The following PTPRD variants were observed in gnomAD, a reference collection of about 807,000 sequenced individuals.
PTPRD encodes the protein receptor-type tyrosine-protein phosphatase delta.
In PTPRD, 34 loss-of-function variants were observed where a neutral mutation model predicts 214.5. The observed-to-expected ratio is 0.16, with a 90% CI of 0.12 to 0.21. The LOEUF (loss-of-function observed/expected upper bound fraction) is 0.21, where lower values mean the gene tolerates loss of function less well. PTPRD is among the 10% of genes least tolerant of loss of function. The pLI is 1.00. For synonymous variants in PTPRD, 1,128 were observed against 845.7 expected, an observed-to-expected ratio of 1.33 and a Z score of -5.79; for missense variants, 2,545 against 2,398.7, an observed-to-expected ratio of 1.06 and a Z score of -1.27.
chr9:8,938,083 G>A (rs2154291829), intron 11 of PTPRD, among the ~76,000 whole-genome samples: 1 of 152,216 alleles, frequency 6.6e-6, no homozygotes, highest in Non-Finnish European at 1.5e-5. Context: ...TTAATAACAT[G>A]AAGTATTGCA....
intron 3 of PTPRD, among the ~76,000 whole-genome samples, chr9:10,271,555 T>C (rs1385584435): frequency 6.7e-6 from 1 of 149,296 alleles, no homozygotes; most frequent in East Asian, 2.0e-4. Context: ...TTTTCTTTTT[T>C]TTTTTGAGAC....
intron 21 of PTPRD, among the ~76,000 whole-genome samples, chr9:8,515,540 G>A (rs866728224): frequency 9.9e-5 from 15 of 152,166 alleles, no homozygotes; most frequent in African/African-American, 3.4e-4. Context: ...TTAAGATGAG[G>A]CCATAAGAGT....
chr9:8,644,540 G>A (rs1460495224), intron 12 of PTPRD, among the ~76,000 whole-genome samples: 2 of 152,206 alleles, frequency 1.3e-5, no homozygotes, highest in Admixed American at 6.5e-5. Context: ...GAGAAGGGCT[G>A]TGGCCCTTTG....
intron 10 of PTPRD, among the ~76,000 whole-genome samples, chr9:9,164,441 A>T (rs2099897468): frequency 6.6e-6 from 1 of 152,148 alleles, no homozygotes; most frequent in Admixed American, 6.6e-5. Flanking sequence ...TCTTCTGATC[A>T]CGATATCTTT....
intron 8 of PTPRD, among the ~76,000 whole-genome samples, chr9:9,486,651 G>A (rs1257568183): frequency 5.3e-5 from 8 of 152,014 alleles, no homozygotes; most frequent in Admixed American, 5.2e-4. Flanking sequence ...TCTACAAACA[G>A]GCTATGTTGG....
chr9:8,909,407 A>C (rs544126466), intron 11 of PTPRD, among the ~76,000 whole-genome samples: 6 of 152,208 alleles, frequency 3.9e-5, no homozygotes, highest in African/African-American at 1.4e-4. Flanking sequence ...TGAATTATAT[A>C]TATTGATCGA....
At chr9:10,175,335 T>C (rs939201774) in intron 3 of PTPRD, among the ~76,000 whole-genome samples, 9 of 152,072 alleles carry the variant, frequency 5.9e-5, no homozygotes, top group Non-Finnish European at 7.4e-5. Context: ...GCATCTGGCT[T>C]ACCCATGGTT....
chr9:9,602,180 C>A (rs548800764), intron 7 of PTPRD, among the ~76,000 whole-genome samples: 1 of 152,020 alleles, frequency 6.6e-6, no homozygotes, highest in African/African-American at 2.4e-5. Context: ...ATTGTGAAAA[C>A]CAGACTTTTT....
intron 39 of PTPRD, among the ~76,000 whole-genome samples, chr9:8,355,381 T>C (rs1205475109): frequency 5.3e-5 from 8 of 152,114 alleles, no homozygotes; most frequent in Non-Finnish European, 1.0e-4. Flanking sequence ...TATCAGCTAG[T>C]TACATTTATG....
At position 9,096,171 on chromosome 9, in the gene PTPRD, A is replaced by G. The variant is rs138655489; in HGVS notation, c.-142-77436T>C. Among the ~76,000 whole-genome samples the G allele has an allele frequency of 5.4e-3, 820 of 152,348 alleles. 8 individuals are homozygous for G. The highest frequency in any genetic ancestry group is 0.019 in the African/African-American group (781 of 41,572). On this transcript the variant is annotated intron_variant, in intron 10 of 45. Coordinates refer to ENST00000381196, the MANE Select transcript of PTPRD (RefSeq NM_002839.4). ...ATTTCATGTGCAACATGAGGACTAT[A>G]GGTAATAAAATTGTATTTGACATGA...
At chr9:9,955,761 G>C (rs1044837895) in intron 4 of PTPRD, among the ~76,000 whole-genome samples, 1 of 152,110 alleles carries the variant, frequency 6.6e-6, no homozygotes, top group African/African-American at 2.4e-5. Flanking sequence ...CTGACCTCGT[G>C]ATAGCCCGCC....
intron 8 of PTPRD, among the ~76,000 whole-genome samples, chr9:9,464,565 T>C (rs1351332461): frequency 1.3e-5 from 2 of 152,142 alleles, no homozygotes; most frequent in African/African-American, 4.8e-5. Context: ...CATTTAGTGG[T>C]ATGTTTTATT....
chr9:10,368,005 G>A (rs1021953434), intron 2 of PTPRD, among the ~76,000 whole-genome samples: 2 of 152,004 alleles, frequency 1.3e-5, no homozygotes, highest in African/African-American at 4.8e-5. Context: ...TTTTATGTTT[G>A]TTGTATTATC....
At chr9:10,126,438 C>T (rs375297467) in intron 3 of PTPRD, among the ~76,000 whole-genome samples, 9,995 of 150,214 alleles carry the variant, frequency 0.067, 404 homozygotes, top group Admixed American at 0.11. Context: ...CACACACACA[C>T]ACACACACAC....
chr9:9,091,087 C>A, intron 10 of PTPRD: 2 of 1,427,636 alleles, frequency 1.4e-6, no homozygotes, highest in South Asian at 1.1e-5. Context: ...TGCCTATGTG[C>A]TTCCCAAGCT....
At chr9:9,251,122 G>A (rs1277132054) in intron 9 of PTPRD, among the ~76,000 whole-genome samples, 1 of 151,992 alleles carries the variant, frequency 6.6e-6, no homozygotes. Flanking sequence ...ACCAAGGACA[G>A]ATTTAAGGTT....
intron 8 of PTPRD, among the ~76,000 whole-genome samples, chr9:9,432,505 C>G (rs766033897): frequency 1.3e-5 from 2 of 152,252 alleles, no homozygotes; most frequent in Middle Eastern, 3.4e-3. Context: ...ATTGATCCAA[C>G]AAGAAATAGC....
chr9:9,793,823 G>C (rs1004023101), intron 5 of PTPRD, among the ~76,000 whole-genome samples: 1 of 152,054 alleles, frequency 6.6e-6, no homozygotes, highest in African/African-American at 2.4e-5. Context: ...TGGACAAAAA[G>C]TATAAAATAG....
intron 4 of PTPRD, among the ~76,000 whole-genome samples, chr9:9,946,898 A>G (rs2092637064): frequency 6.6e-6 from 1 of 152,096 alleles, no homozygotes; most frequent in Non-Finnish European, 1.5e-5. Flanking sequence ...AGAACTATGA[A>G]TATTTGCTGA....
Sources: gnomAD v4.1 joint callset for allele counts (sites outside exome capture counted in the v4.1 genomes callset) on GRCh38, gnomAD v4.1.1 for gene constraint, MANE v1.5 for transcripts, NCBI Gene and HGNC (gene_info 2026-07-23, HGNC 2026-07-21) for gene names.